SLC12A1: variants seen among roughly 807,000 people sequenced by gnomAD.
SLC12A1 encodes the protein Na-K-2Cl cotransporter.
Under a neutral mutation model 130.4 loss-of-function variants are expected in SLC12A1, and 89 were observed. That is an observed-to-expected ratio of 0.68 (90% CI 0.58 to 0.81). The LOEUF (loss-of-function observed/expected upper bound fraction) is 0.81, where lower values mean the gene tolerates loss of function less well. Ranked by LOEUF, SLC12A1 falls within the 40% of genes least tolerant of loss-of-function variation. The pLI, the probability that SLC12A1 is intolerant of heterozygous loss-of-function variation, is 0.00. For missense variants in SLC12A1, 1,310 were observed against 1,336.4 expected, an observed-to-expected ratio of 0.98 and a Z score of 0.31; for synonymous variants, 499 against 460.0, an observed-to-expected ratio of 1.08 and a Z score of -1.09.
At chr15:48,250,921 T>C (rs1485323766) in intron 14 of SLC12A1, among the ~76,000 whole-genome samples, 1 of 152,148 alleles carries the variant, frequency 6.6e-6, no homozygotes, top group South Asian at 2.1e-4. Context: ...GTCTTCCAGT[T>C]GCTTCCATTT....
chr15:48,272,165 G>T (rs9806747), intron 19 of SLC12A1, among the ~76,000 whole-genome samples: 3,355 of 152,200 alleles, frequency 0.022, 126 homozygotes, highest in African/African-American at 0.077. Context: ...ATATTAGGGT[G>T]ACCCAGATTT....
chr15:48,299,395 G>C (rs1251944277), intron 25 of SLC12A1, 120 bp downstream of exon 25: 1 of 927,946 alleles, frequency 1.1e-6, no homozygotes, highest in African/African-American at 1.7e-5. Flanking sequence ...CAAGATCCAA[G>C]CTTTCTGCAT....
intron 15 of SLC12A1, among the ~76,000 whole-genome samples, chr15:48,254,592 TAAAAAAAAAAAAAAAAAAAAAAAAAA>T (rs550686114): frequency 1.9e-5 from 1 of 52,862 alleles, no homozygotes; most frequent in Non-Finnish European, 4.3e-5. Context: ...CTTAAATTCG[TAAAAAAAAAAAAAAAAAAAAAAAAAA>T]AAAAAAAAAA....
chr15:48,272,750 A>T (rs191642454), intron 19 of SLC12A1, among the ~76,000 whole-genome samples: 20 of 152,288 alleles, frequency 1.3e-4, no homozygotes, highest in African/African-American at 4.8e-4. Flanking sequence ...TTTTAATTAG[A>T]ATTTGTATAT....
At position 48,263,103 on chromosome 15, in the gene SLC12A1, C is replaced by T. The variant is rs141071831; in HGVS notation, c.2154+3792C>T. Among the ~76,000 whole-genome samples the T allele has an allele frequency of 1.2e-3, 188 of 152,260 alleles. 1 individual carries two copies. The East Asian group carries it at 0.031, about 25-fold the overall frequency. The stretch of plus-strand genomic sequence containing the variant: ...ATGGGATCAGTTGACACTTACCTTT[C>T]CCAGGTGCAAAGGCATCATACTGCA... On this transcript the variant is annotated intron_variant, in intron 17 of 26. Coordinates refer to ENST00000380993, the MANE Select transcript of SLC12A1 (RefSeq NM_000338.3).
chr15:48,218,676 T>C (rs1184899004), intron 2 of SLC12A1, among the ~76,000 whole-genome samples: 1 of 152,234 alleles, frequency 6.6e-6, no homozygotes, highest in Non-Finnish European at 1.5e-5. Context: ...CATCCTAGGC[T>C]TAAACCAGTT....
chr15:48,276,159 A>G (rs907164119), intron 20 of SLC12A1, among the ~76,000 whole-genome samples: 2 of 152,206 alleles, frequency 1.3e-5, no homozygotes, highest in Non-Finnish European at 2.9e-5. Context: ...GGATGAGCCA[A>G]TGGAAATGGG....
intron 9 of SLC12A1, among the ~76,000 whole-genome samples, chr15:48,237,950 T>C (rs184497297): frequency 8.9e-4 from 135 of 152,302 alleles, no homozygotes; most frequent in African/African-American, 3.1e-3. Context: ...AGAGATGGCA[T>C]GGGCCTGATT....
At chr15:48,247,228 C>T in intron 12 of SLC12A1, 109 bp from the exon 13 acceptor site, 1 of 1,150,466 alleles carries the variant, frequency 8.7e-7, no homozygotes, top group South Asian at 1.5e-5. Context: ...ACTTGTGCCT[C>T]ATCTTGTGTA....
intron 11 of SLC12A1, among the ~76,000 whole-genome samples, chr15:48,245,923 A>G (rs1048400659): frequency 6.6e-6 from 1 of 152,234 alleles, no homozygotes; most frequent in Non-Finnish European, 1.5e-5. Context: ...AAGCTAAGAG[A>G]GAAATTGTGA....
chr15:48,285,211 C>G lies in SLC12A1; in HGVS notation c.2591C>G (p.Ala864Gly). 1 of 1,613,858 alleles carries G rather than the reference C, an allele frequency of 6.2e-7. No homozygotes were observed. The highest frequency in any genetic ancestry group is 8.5e-7 in the Non-Finnish European group (1 of 1,179,820). The change falls in exon 21 of 27, where the codon GCT becomes GGT. Residue 864 changes from alanine to glycine, a missense_variant. Ala to Gly is a moderately conservative substitution (Grantham distance 60). Coordinates refer to ENST00000380993, the MANE Select transcript of SLC12A1 (RefSeq NM_000338.3). ...GGCATCCGAGGCTTGTTTAAAAAAG[C>G]TGGCAAGTTGAACATTACTAAGACA... ...SGGIRGLFKK[A>G]GKLNITKTTP...
At chr15:48,265,911 A>G (rs1234599525) in intron 17 of SLC12A1, among the ~76,000 whole-genome samples, 3 of 152,216 alleles carry the variant, frequency 2.0e-5, no homozygotes, top group Non-Finnish European at 4.4e-5. Context: ...TTTTAATAAT[A>G]TTGTATTAAC....
chr15:48,297,059 A>G (rs2042184430), intron 24 of SLC12A1, among the ~76,000 whole-genome samples: 6 of 152,334 alleles, frequency 3.9e-5, no homozygotes, highest in Admixed American at 2.6e-4. Context: ...CATATTTTGG[A>G]TTTCAGGGTA....
At position 48,247,143 on chromosome 15, in the gene SLC12A1, C is replaced by T. The variant is rs578118178; in HGVS notation, c.1560+127C>T. On this transcript the variant is annotated intron_variant, in intron 12 of 26. Transcript: ENST00000380993. The stretch of plus-strand genomic sequence containing the variant: ...TTTCTGAAACAGTTAATGTTTGCAT[C>T]TGGCTCAAGTTCTATGTCTGCCACA... 1,281 of 978,022 alleles carry T rather than the reference C, an allele frequency of 1.3e-3. 12 individuals carry two copies. Among genetic ancestry groups the T allele is most frequent in the Non-Finnish European group, 3.3e-4 (207 of 633,100 alleles). 60.6% of individuals were successfully genotyped at this position (978,022 alleles called of 1,614,324 possible).
At chr15:48,251,521 G>A (rs914135772) in intron 14 of SLC12A1, 94 bp from the exon 15 acceptor site, 2 of 986,924 alleles carry the variant, frequency 2.0e-6, no homozygotes, top group Admixed American at 3.9e-5. Context: ...GATTCTTTAT[G>A]TCAGGAAAAA....
intron 4 of SLC12A1, chr15:48,224,961 T>A (rs2041265510): frequency 6.6e-6 from 1 of 152,196 alleles, no homozygotes; most frequent in Admixed American, 6.5e-5. Flanking sequence ...TTTTTAAATT[T>A]CATTTTATTT....
chr15:48,265,702 T>C (rs1474762467), intron 17 of SLC12A1, among the ~76,000 whole-genome samples: 16 of 152,168 alleles, frequency 1.1e-4, no homozygotes, highest in Admixed American at 1.0e-3. Context: ...CCAAACTGTT[T>C]TGAAAAGTTG....
At chr15:48,248,958 C>A (rs1261759310) in intron 13 of SLC12A1, among the ~76,000 whole-genome samples, 2 of 152,084 alleles carry the variant, frequency 1.3e-5, no homozygotes, top group South Asian at 2.1e-4. Context: ...GCAGGAGAAT[C>A]GCTTGAACCC....
chr15:48,217,124 A>G (rs142447551), intron 2 of SLC12A1, among the ~76,000 whole-genome samples: 147 of 152,312 alleles, frequency 9.7e-4, no homozygotes, highest in African/African-American at 3.4e-3. Flanking sequence ...TTTTATAGAT[A>G]TTCTATTAAG....
Sources: allele counts gnomAD v4.1 joint callset (sites outside exome capture counted in the v4.1 genomes callset), GRCh38; gene constraint gnomAD v4.1.1; transcripts MANE v1.5; gene names NCBI Gene and HGNC (gene_info 2026-07-23, HGNC 2026-07-21).